The following SLC4A4 variants were observed in gnomAD, a reference collection of about 807,000 sequenced individuals.
SLC4A4 encodes solute carrier family 4 member 4.
Under a neutral mutation model 111.5 loss-of-function variants are expected in SLC4A4, and 27 were observed. That is an observed-to-expected ratio of 0.24 (90% CI 0.18 to 0.33). The LOEUF (loss-of-function observed/expected upper bound fraction) is 0.33. SLC4A4 is among the 10% of genes least tolerant of loss of function. The pLI is 1.00. For missense variants in SLC4A4, 909 were observed against 1,315.5 expected (o/e 0.69, Z 4.78); for synonymous variants, 443 against 463.4 (o/e 0.96, Z 0.57).
intron 15 of SLC4A4, among the ~76,000 whole-genome samples, chr4:71,487,887 G>T (rs974895997): frequency 6.6e-6 from 1 of 150,840 alleles, no homozygotes; most frequent in Non-Finnish European, 1.5e-5. Flanking sequence ...TGCTTTTTTT[G>T]CTGTTAAAGT....
intron 4 of SLC4A4, among the ~76,000 whole-genome samples, chr4:71,345,508 T>C (rs1729248737): frequency 6.6e-6 from 1 of 152,116 alleles, no homozygotes; most frequent in African/African-American, 2.4e-5. Context: ...AGGAAAGCCA[T>C]CACAAGTTTC....
chr4:71,233,394 A>C, intron 1 of SLC4A4: 2 of 711,666 alleles, frequency 2.8e-6, no homozygotes, highest in Non-Finnish European at 3.4e-6. Flanking sequence ...CATCTTTCTC[A>C]GCCACTCGGT....
chr4:71,264,608 A>G (rs1239120074), intron 3 of SLC4A4, among the ~76,000 whole-genome samples: 1 of 152,096 alleles, frequency 6.6e-6, no homozygotes, highest in African/African-American at 2.4e-5. Context: ...AGCAGTTTCT[A>G]TAACTAGAAA....
intron 1 of SLC4A4, among the ~76,000 whole-genome samples, chr4:71,207,103 G>A (rs1475551594): frequency 2.6e-5 from 4 of 152,134 alleles, no homozygotes; most frequent in African/African-American, 7.2e-5. Flanking sequence ...AGTACCACCT[G>A]TCTCAACTGA....
chr4:71,276,183 G>A (rs563061730), intron 3 of SLC4A4, among the ~76,000 whole-genome samples: 1 of 152,268 alleles, frequency 6.6e-6, no homozygotes, highest in South Asian at 2.1e-4. Context: ...AGATTTGTAG[G>A]AAGTTGTGAG....
At chr4:71,289,069 G>C (rs999642221) in intron 3 of SLC4A4, among the ~76,000 whole-genome samples, 1 of 152,124 alleles carries the variant, frequency 6.6e-6, no homozygotes, top group Non-Finnish European at 1.5e-5. Context: ...ATACCTCTGG[G>C]AGTAGCACTG....
chr4:71,340,954 A>G (rs866777890), intron 4 of SLC4A4, among the ~76,000 whole-genome samples: 2 of 152,184 alleles, frequency 1.3e-5, no homozygotes, highest in African/African-American at 4.8e-5. Context: ...TTACATACAG[A>G]TTCAGAGATA....
intron 7 of SLC4A4, among the ~76,000 whole-genome samples, chr4:71,401,324 G>A (rs1239410912): frequency 1.3e-5 from 2 of 152,134 alleles, no homozygotes; most frequent in Non-Finnish European, 2.9e-5. Context: ...GCTTAAAATA[G>A]TTAACAGCAG....
chr4:71,503,058 T>C (rs993430080), intron 16 of SLC4A4, among the ~76,000 whole-genome samples: 1 of 152,136 alleles, frequency 6.6e-6, no homozygotes, highest in Non-Finnish European at 1.5e-5. Context: ...AATCGATTCT[T>C]TTATTATTAT....
intron 1 of SLC4A4, among the ~76,000 whole-genome samples, chr4:71,076,852 A>G (rs1157651684): frequency 6.6e-6 from 1 of 151,746 alleles, no homozygotes; most frequent in Non-Finnish European, 1.5e-5. Flanking sequence ...TTAGCCTGGC[A>G]TGATGGAGAG....
At chr4:71,139,179 T>TTGTGTGTGTGTGTGTGTGTG (rs57359640) in intron 2 of SLC4A4, among the ~76,000 whole-genome samples, 1 of 144,438 alleles carries the variant, frequency 6.9e-6, no homozygotes. Context: ...TCCCTTTTCT[T>TTGTGTGTGTGTGTGTGTGTG]TGTGTGTGTG....
intron 6 of SLC4A4, among the ~76,000 whole-genome samples, chr4:71,379,472 C>T (rs561218314): frequency 4.6e-5 from 7 of 152,200 alleles, no homozygotes; most frequent in Admixed American, 2.0e-4. Flanking sequence ...TCTTATGTCC[C>T]GCAGGAGACT....
chr4:71,428,459 A>G (rs1363797916), intron 7 of SLC4A4, among the ~76,000 whole-genome samples: 1 of 152,070 alleles, frequency 6.6e-6, no homozygotes, highest in East Asian at 1.9e-4. Context: ...TGGGACTGTT[A>G]TGGGCCAACT....
At chr4:71,377,018 T>C (rs927240241) in intron 6 of SLC4A4, among the ~76,000 whole-genome samples, 2 of 152,242 alleles carry the variant, frequency 1.3e-5, no homozygotes, top group African/African-American at 4.8e-5. Flanking sequence ...TCTGAAAGTA[T>C]AGTTGTTTTT....
chr4:71,068,017 G>A (rs879085703), intron 1 of SLC4A4, among the ~76,000 whole-genome samples: 1 of 151,704 alleles, frequency 6.6e-6, no homozygotes, highest in Non-Finnish European at 1.5e-5. Context: ...CCATAGTGTT[G>A]GGATTATGGA....
chr4:71,199,569 C>T (rs1292833241), intron 1 of SLC4A4, among the ~76,000 whole-genome samples: 1 of 152,184 alleles, frequency 6.6e-6, no homozygotes, highest in African/African-American at 2.4e-5. Context: ...GCCATGTATT[C>T]CTGTTTGGCC....
intron 3 of SLC4A4, among the ~76,000 whole-genome samples, chr4:71,335,626 C>T (rs1395414734): frequency 1.3e-5 from 2 of 152,090 alleles, no homozygotes; most frequent in African/African-American, 4.8e-5. Flanking sequence ...GAGATCGAGA[C>T]CATCCTGACT....
chr4:71,085,330 A>G lies in SLC4A4; in HGVS notation c.-64-7400A>G, dbSNP rs1438701863. Among the ~76,000 whole-genome samples the G allele has an allele frequency of 1.2e-4, 18 of 151,944 alleles. 1 individual carries two copies. The highest frequency in any genetic ancestry group is 2.1e-4 in the Non-Finnish European group (14 of 68,018). ...GCCCTTTGTCAGATGAGTGGGTTGC[A>G]AAAATTTTCTCCCATTCTGTAGGTT... On this transcript the variant is annotated intron_variant, in intron 1 of 26. Transcript: ENST00000649996.
intron 7 of SLC4A4, among the ~76,000 whole-genome samples, chr4:71,425,117 A>G (rs567840278): frequency 1.1e-4 from 17 of 152,186 alleles, no homozygotes; most frequent in Non-Finnish European, 2.2e-4. Context: ...TTAGAAATGG[A>G]ATGTTGAGGT....
Sources: gnomAD v4.1 joint callset for allele counts (sites outside exome capture counted in the v4.1 genomes callset) on GRCh38, gnomAD v4.1.1 for gene constraint, MANE v1.5 for transcripts, NCBI Gene and HGNC (gene_info 2026-07-23, HGNC 2026-07-21) for gene names.